Variants in CORO7 observed in about 807,000 individuals in gnomAD.
CORO7 encodes coronin-7.
Under a neutral mutation model 126.6 loss-of-function variants are expected in CORO7, and 107 were observed. The ratio of observed to expected loss-of-function variants is 0.85; its 90% CI spans 0.72 to 0.99. CORO7 has a LOEUF of 0.99. Among genes scored for constraint, CORO7 ranks in the 50% least tolerant of loss-of-function variants. The pLI, the probability that CORO7 is intolerant of heterozygous loss-of-function variation, is 0.00. For missense variants in CORO7, 1,314 were observed against 1,255.8 expected (o/e 1.05, Z -0.70); for synonymous variants, 603 against 536.8 (o/e 1.12, Z -1.70).
At chr16:4,383,013 CAG>C in intron 9 of CORO7, 4 of 1,192,996 alleles carry the variant, frequency 3.4e-6, no homozygotes, top group South Asian at 3.3e-5. Flanking sequence ...TGTGTGCAGA[CAG>C]GGCTGTGTGA....
chr16:4,381,352 G>A (rs749693749), intron 9 of CORO7: 7 of 1,602,076 alleles, frequency 4.4e-6, no homozygotes, highest in East Asian at 4.6e-5. Flanking sequence ...GCAGGACAAC[G>A]AGCTGCGGGC....
intron 7 of CORO7, among the ~76,000 whole-genome samples, chr16:4,391,661 G>A (rs2055395398): frequency 6.6e-6 from 1 of 152,258 alleles, no homozygotes; most frequent in South Asian, 2.1e-4. Flanking sequence ...AGCCCAGGAG[G>A]TCAAAGCTAC....
At chr16:4,381,416 G>A in intron 9 of CORO7, 1 of 1,584,028 alleles carries the variant, frequency 6.3e-7, no homozygotes, top group Non-Finnish European at 8.6e-7. Context: ...AGCCACAACA[G>A]CCTCCTGGCC....
chr16:4,365,894 A>C (rs568703328), intron 9 of CORO7, among the ~76,000 whole-genome samples: 1 of 152,296 alleles, frequency 6.6e-6, no homozygotes, highest in Non-Finnish European at 1.5e-5. Context: ...CCTAGACATC[A>C]GGCCAGCATT....
chr16:4,371,515 C>A (rs1183466312), intron 9 of CORO7, among the ~76,000 whole-genome samples: 4 of 152,226 alleles, frequency 2.6e-5, no homozygotes, highest in South Asian at 2.1e-4. Context: ...GCCGCAGAGG[C>A]CCTGGGGTGG....
chr16:4,377,382 T>A (rs2054776477), intron 9 of CORO7, among the ~76,000 whole-genome samples: 1 of 152,036 alleles, frequency 6.6e-6, no homozygotes, highest in Non-Finnish European at 1.5e-5. Context: ...GCAACCACCG[T>A]GTGACCTGTA....
chr16:4,371,085 C>A (rs2054506125), intron 9 of CORO7, among the ~76,000 whole-genome samples: 1 of 152,232 alleles, frequency 6.6e-6, no homozygotes, highest in Non-Finnish European at 1.5e-5. Flanking sequence ...CAGCCCAGGC[C>A]CCACCCACCG....
chr16:4,378,567 G>A (rs577787052), intron 9 of CORO7, among the ~76,000 whole-genome samples: 1 of 152,290 alleles, frequency 6.6e-6, no homozygotes, highest in South Asian at 2.1e-4. Context: ...GGTCCCATGG[G>A]GGAAGAGAAG....
intron 9 of CORO7, chr16:4,380,777 A>C (rs1435670236): frequency 1.5e-6 from 2 of 1,328,594 alleles, no homozygotes; most frequent in South Asian, 1.5e-5. Context: ...TTGGGGGCAG[A>C]AGCAGTGAAT....
chr16:4,399,163 G>A (rs2055710362), intron 6 of CORO7, among the ~76,000 whole-genome samples: 1 of 152,088 alleles, frequency 6.6e-6, no homozygotes, highest in Non-Finnish European at 1.5e-5. Flanking sequence ...CTGAAAGCAG[G>A]CCATGAAGAG....
In CORO7 at chr16:4,359,513, G is replaced by A; in HGVS notation, c.2217C>T (p.Asp739=). 6.2e-7 allele frequency: 1 copy of A among 1,613,452 alleles called. No homozygotes were observed. The highest frequency in any genetic ancestry group is 2.2e-5 in the East Asian group (1 of 44,880). The part of the protein sequence containing the change: ...VAPSTLLPSY[D]PDTGLVLLTG... Reference sequence around the variant, plus strand: ...TCAGGAGCACCAGGCCAGTGTCTGGGTCGTAGCTGGGCAGCAGGGTTGAGG... The same window carrying A: ...TCAGGAGCACCAGGCCAGTGTCTGGATCGTAGCTGGGCAGCAGGGTTGAGG... The change falls in exon 22 of 28, where the codon GAC becomes GAT. Residue 739 remains aspartate, a synonymous_variant. Transcript: ENST00000251166.
intron 9 of CORO7, chr16:4,382,602 GCTC>G: frequency 1.9e-6 from 3 of 1,588,910 alleles, no homozygotes; most frequent in Middle Eastern, 1.7e-4. Context: ...GCAACCTGCC[GCTC>G]CTCATTGCGC....
intron 1 of CORO7, among the ~76,000 whole-genome samples, chr16:4,413,968 C>T (rs1381721589): frequency 1.3e-5 from 2 of 151,648 alleles, no homozygotes; most frequent in African/African-American, 2.4e-5. Context: ...GACAGATCAT[C>T]CTGAGGTCAG....
chr16:4,398,104 G>C (rs1298014292), intron 6 of CORO7, among the ~76,000 whole-genome samples: 1 of 151,698 alleles, frequency 6.6e-6, no homozygotes, highest in Non-Finnish European at 1.5e-5. Flanking sequence ...TTCTTTCGTA[G>C]AGATGAGGTC....
At chr16:4,405,415 G>A (rs1474215745) in intron 6 of CORO7, 76 bp downstream of exon 6, 3 of 1,504,006 alleles carry the variant, frequency 2.0e-6, no homozygotes, top group African/African-American at 2.8e-5. Context: ...AACAAGCCTG[G>A]AAGGCCCAGC....
At chr16:4,377,009 G>C (rs11076826) in intron 9 of CORO7, among the ~76,000 whole-genome samples, 101,234 of 152,066 alleles carry the variant, frequency 0.67, 34,758 homozygotes, top group East Asian at 0.79. Context: ...CACAGACCAA[G>C]TCACCCCAGA....
intron 23 of CORO7, chr16:4,358,929 CT>C (rs1412473141): frequency 3.1e-6 from 1 of 319,848 alleles, no homozygotes; most frequent in African/African-American, 2.2e-5. Flanking sequence ...ATAGTTTAAC[CT>C]TATCTAGTGC....
chr16:4,408,347 A>C, intron 3 of CORO7, 96 bp from the exon 4 acceptor site: 1 of 1,545,584 alleles, frequency 6.5e-7, no homozygotes, highest in South Asian at 1.1e-5. Context: ...TTTTGTGTGC[A>C]CACAGAAACA....
intron 23 of CORO7, chr16:4,358,716 T>C (rs2054063020): frequency 4.6e-6 from 2 of 430,994 alleles, no homozygotes; most frequent in East Asian, 3.6e-5. Flanking sequence ...AGCTTCTACG[T>C]GCCACCTCCA....
Sources: gnomAD v4.1 joint callset for allele counts (sites outside exome capture counted in the v4.1 genomes callset) on GRCh38, gnomAD v4.1.1 for gene constraint, MANE v1.5 for transcripts, NCBI Gene and HGNC (gene_info 2026-07-23, HGNC 2026-07-21) for gene names.